COXFA4: variants seen among roughly 807,000 people sequenced by gnomAD.
The protein encoded by COXFA4 is cytochrome c oxidase subunit FA4.
the COXFA4 span, chr7:10,938,748 CTG>C: frequency 2.5e-6 from 3 of 1,199,032 alleles, no homozygotes; most frequent in Non-Finnish European, 3.7e-6. Context: ...CCTACAGAGA[CTG>C]TGGCTCCTAA....
At chr7:10,939,865 A>G in the COXFA4 span, 57 of 883,092 alleles carry the variant, frequency 6.5e-5, 2 homozygotes, top group African/African-American at 8.5e-4. Context: ...GAGGCCTGGG[A>G]CAACTAAGAT....
the COXFA4 span, chr7:10,939,639 A>C: frequency 4.4e-6 from 1 of 225,352 alleles, no homozygotes; most frequent in African/African-American, 2.2e-5. Context: ...GAACCTCCAG[A>C]GATGGTATAA....
chr7:10,934,792 A>G, the COXFA4 span, among the ~76,000 whole-genome samples: 1 of 152,364 alleles, frequency 6.6e-6, no homozygotes, highest in East Asian at 1.9e-4. Context: ...AGATACAGAC[A>G]GATACAGACT....
chr7:10,939,178 G>A, the COXFA4 span: 1 of 335,272 alleles, frequency 3.0e-6, no homozygotes, highest in East Asian at 6.6e-5. Flanking sequence ...AAATTTCCAA[G>A]AAAATGTATC....
chr7:10,935,948 A>T, the COXFA4 span, among the ~76,000 whole-genome samples: 7 of 152,180 alleles, frequency 4.6e-5, no homozygotes, highest in African/African-American at 1.7e-4. Context: ...TTTTGGTCTC[A>T]TGAGAGAAGC....
the COXFA4 span, among the ~76,000 whole-genome samples, chr7:10,936,193 T>C: frequency 4.6e-5 from 7 of 152,228 alleles, no homozygotes; most frequent in African/African-American, 1.7e-4. Flanking sequence ...CTGGATTTGG[T>C]TCCTTTTCAT....
chr7:10,937,659 T>C, the COXFA4 span, among the ~76,000 whole-genome samples: 1 of 152,112 alleles, frequency 6.6e-6, no homozygotes, highest in African/African-American at 2.4e-5. Flanking sequence ...GTTTGGGGAA[T>C]CAATAAATGG....
chr7:10,939,194 T>C, the COXFA4 span: 1 of 320,166 alleles, frequency 3.1e-6, no homozygotes, highest in Admixed American at 4.6e-5. Context: ...GTATCGAGTC[T>C]TCTTCACCTC....
At chr7:10,933,784 TA>T in the COXFA4 span, 1 of 868,878 alleles carries the variant, frequency 1.2e-6, no homozygotes, top group Non-Finnish European at 1.9e-6. Flanking sequence ...TTTTCTACAG[TA>T]ACAATTACAG....
At chr7:10,935,503 G>A in the COXFA4 span, among the ~76,000 whole-genome samples, 4 of 152,140 alleles carry the variant, frequency 2.6e-5, no homozygotes, top group African/African-American at 9.7e-5. Context: ...CCTCTGCTAC[G>A]GACTGAATGT....
the COXFA4 span, chr7:10,933,139 T>C: frequency 6.3e-6 from 1 of 158,466 alleles, no homozygotes; most frequent in Admixed American, 6.3e-5. Context: ...AACAAAGAGA[T>C]GCCAAGTAAA....
the COXFA4 span, among the ~76,000 whole-genome samples, chr7:10,935,457 T>C: frequency 6.6e-6 from 1 of 152,254 alleles, no homozygotes; most frequent in Non-Finnish European, 1.5e-5. Context: ...GTTTTATTCA[T>C]AGCTTTTGCT....
the COXFA4 span, chr7:10,938,657 A>C: frequency 1.6e-6 from 1 of 628,248 alleles, no homozygotes; most frequent in Non-Finnish European, 2.8e-6. Flanking sequence ...AAAAAAAGTA[A>C]ATGAAAACAG....
the COXFA4 span, chr7:10,939,857 G>C: frequency 2.3e-5 from 19 of 837,894 alleles, no homozygotes; most frequent in South Asian, 2.0e-4. Flanking sequence ...GGGTCACAGA[G>C]GCCTGGGACA....
chr7:10,935,661 T>C, the COXFA4 span, among the ~76,000 whole-genome samples: 1 of 152,146 alleles, frequency 6.6e-6, no homozygotes, highest in African/African-American at 2.4e-5. Context: ...CCTTCCATAT[T>C]GTGAGGACAC....
the COXFA4 span, chr7:10,938,250 A>T: frequency 9.9e-7 from 1 of 1,008,518 alleles, no homozygotes; most frequent in African/African-American, 1.6e-5. Context: ...TTTCTATTAG[A>T]TGAGGTATGG....
chr7:10,938,913 A>G, the COXFA4 span: 2 of 1,586,274 alleles, frequency 1.3e-6, no homozygotes, highest in Non-Finnish European at 1.7e-6. Context: ...CAAACACAAA[A>G]TAGAATAACC....
At chr7:10,938,134 T>C in the COXFA4 span, 14 of 1,612,916 alleles carry the variant, frequency 8.7e-6, no homozygotes, top group Non-Finnish European at 1.2e-5. Flanking sequence ...GGCTCTGGGT[T>C]ATTTCTGTCC....
the COXFA4 span, chr7:10,932,616 A>G: frequency 1.3e-5 from 2 of 152,198 alleles, no homozygotes; most frequent in African/African-American, 4.8e-5. Context: ...ACACACACCT[A>G]TGTGAAAACT....
Sources: gnomAD v4.1 joint callset for allele counts (sites outside exome capture counted in the v4.1 genomes callset) on GRCh38, gnomAD v4.1.1 for gene constraint, MANE v1.5 for transcripts, NCBI Gene and HGNC (gene_info 2026-07-23, HGNC 2026-07-21) for gene names.